The following MAGI2 variants were observed in gnomAD, a reference collection of about 807,000 sequenced individuals.
The protein encoded by MAGI2 is membrane-associated guanylate kinase, WW and PDZ domain-containing protein 2.
In MAGI2, 35 loss-of-function variants were observed where a neutral mutation model predicts 133.3. The ratio of observed to expected loss-of-function variants is 0.26; its 90% confidence interval spans 0.20 to 0.35. The LOEUF is 0.35. Among genes scored for constraint, MAGI2 ranks in the 10% least tolerant of loss-of-function variants. The pLI, the probability that MAGI2 is intolerant of heterozygous loss-of-function variation, is 1.00. For missense variants in MAGI2, 1,636 were observed against 1,863.4 expected (o/e 0.88, Z 2.25); for synonymous variants, 729 against 710.6 (o/e 1.03, Z -0.41).
At chr7:78,374,989 A>C (rs888499903) in intron 6 of MAGI2, among the ~76,000 whole-genome samples, 2 of 151,678 alleles carry the variant, frequency 1.3e-5, no homozygotes, top group African/African-American at 4.8e-5. Flanking sequence ...ACAAGCGTAC[A>C]CCACTACACC....
At chr7:78,124,853 G>A (rs558606484) in intron 20 of MAGI2, among the ~76,000 whole-genome samples, 1 of 136,976 alleles carries the variant, frequency 7.3e-6, no homozygotes, top group South Asian at 2.3e-4. Flanking sequence ...AAAATTTCTA[G>A]CTGCTGTCTT....
At chr7:78,704,174 CA>C (rs1291557621) in intron 2 of MAGI2, among the ~76,000 whole-genome samples, 1 of 152,050 alleles carries the variant, frequency 6.6e-6, no homozygotes, top group Non-Finnish European at 1.5e-5. Flanking sequence ...ATGTATCTGA[CA>C]AAGGTCTAAT....
At chr7:78,601,094 C>G (rs1805152351) in intron 3 of MAGI2, among the ~76,000 whole-genome samples, 1 of 151,996 alleles carries the variant, frequency 6.6e-6, no homozygotes, top group African/African-American at 2.4e-5. Context: ...TCTGATTCAC[C>G]CCTCTCACAT....
chr7:79,031,266 T>C (rs1329811249), intron 1 of MAGI2, among the ~76,000 whole-genome samples: 1 of 152,170 alleles, frequency 6.6e-6, no homozygotes, highest in Non-Finnish European at 1.5e-5. Context: ...CATTTACCAC[T>C]ATCTAAAATT....
chr7:79,234,699 A>G (rs900201870), intron 1 of MAGI2, among the ~76,000 whole-genome samples: 1 of 148,308 alleles, frequency 6.7e-6, no homozygotes, highest in South Asian at 2.1e-4. Context: ...ATTCTTCTCA[A>G]TTTTTTTCAA....
chr7:78,489,347 T>C (rs1793371988), intron 6 of MAGI2, among the ~76,000 whole-genome samples: 2 of 152,106 alleles, frequency 1.3e-5, no homozygotes, highest in Admixed American at 1.3e-4. Flanking sequence ...TTCTGAGTCC[T>C]TAATAACTGC....
intron 21 of MAGI2, among the ~76,000 whole-genome samples, chr7:78,066,241 C>T (rs531099156): frequency 5.9e-5 from 9 of 152,142 alleles, no homozygotes; most frequent in African/African-American, 1.9e-4. Flanking sequence ...GTGGGCGGAA[C>T]ATTTGAGGTC....
intron 21 of MAGI2, among the ~76,000 whole-genome samples, chr7:78,050,634 G>A (rs892184871): frequency 2.6e-5 from 4 of 152,122 alleles, no homozygotes; most frequent in African/African-American, 9.7e-5. Context: ...CAGGTTTGCA[G>A]GTTAGGCTGG....
At chr7:78,663,498 C>A (rs1212397091) in intron 2 of MAGI2, among the ~76,000 whole-genome samples, 1 of 152,006 alleles carries the variant, frequency 6.6e-6, no homozygotes, top group East Asian at 1.9e-4. Flanking sequence ...AGCCACTGTG[C>A]CCCGCCATTT....
At chr7:78,496,139 G>T (rs1198678520) in intron 5 of MAGI2, among the ~76,000 whole-genome samples, 1 of 152,088 alleles carries the variant, frequency 6.6e-6, no homozygotes, top group East Asian at 1.9e-4. Context: ...AAAACTTAAG[G>T]AGGTACAGAA....
chr7:78,273,748 C>T (rs539786785), intron 9 of MAGI2, among the ~76,000 whole-genome samples: 1 of 152,126 alleles, frequency 6.6e-6, no homozygotes, highest in East Asian at 1.9e-4. Context: ...CTTATGTATA[C>T]TTCAAGAAGT....
chr7:78,416,879 G>A (rs1341522145), intron 6 of MAGI2, among the ~76,000 whole-genome samples: 1 of 152,112 alleles, frequency 6.6e-6, no homozygotes, highest in African/African-American at 2.4e-5. Flanking sequence ...GCCTTCACCA[G>A]ACACTGAATC....
chr7:79,154,597 G>A (rs1005971796), intron 1 of MAGI2, among the ~76,000 whole-genome samples: 4 of 152,158 alleles, frequency 2.6e-5, no homozygotes, highest in African/African-American at 7.2e-5. Flanking sequence ...TTTTAGAGGA[G>A]GAGAGATTTA....
chr7:78,368,953 G>A (rs373265850), intron 7 of MAGI2, among the ~76,000 whole-genome samples: 277 of 152,032 alleles, frequency 1.8e-3, no homozygotes, highest in African/African-American at 6.4e-3. Flanking sequence ...TTTTAGAATC[G>A]TTGAGTCAAA....
chr7:79,394,507 A>G (rs1844901899), intron 1 of MAGI2, among the ~76,000 whole-genome samples: 1 of 152,200 alleles, frequency 6.6e-6, no homozygotes, highest in Admixed American at 6.5e-5. Flanking sequence ...AATGTGGCAT[A>G]CCATGAATAA....
chr7:78,218,049 GAC>G (rs1333953249), intron 10 of MAGI2, among the ~76,000 whole-genome samples: 1 of 152,216 alleles, frequency 6.6e-6, no homozygotes, highest in Non-Finnish European at 1.5e-5. Flanking sequence ...AAAGAGAATA[GAC>G]ACAGATATAT....
rs758479380 is a variant in MAGI2, at chr7:78,127,370, G to A, written c.3250C>T (p.Arg1084Ter). The change falls in exon 19 of 22, where the codon CGA (arginine) becomes TGA (stop). Residue 1084 changes from arginine (R) to a stop codon, truncating the protein, a stop_gained. Transcript: ENST00000354212. LOFTEE classifies it high-confidence loss of function. ...CTGTAGTCTGTGAATGGAGGCTGTC[G>A]GATGTCTGGTTTCACATCTTGCCTT... ...KARQDVKPDI[R>*]QPPFTDYRQP... 6.2e-7 allele frequency: 1 copy of A among 1,607,942 alleles called. No individual in the cohort carries two copies. The highest frequency in any genetic ancestry group is 8.5e-7 in the Non-Finnish European group (1 of 1,179,922).
intron 5 of MAGI2, 104 bp from the exon 6 acceptor site, chr7:78,489,944 T>TA (rs1793446781): frequency 1.3e-6 from 1 of 771,974 alleles, no homozygotes; most frequent in East Asian, 2.5e-5. Flanking sequence ...TTGCAATCGA[T>TA]ACACTTAATT....
chr7:78,948,757 C>A (rs1251244736), intron 2 of MAGI2, among the ~76,000 whole-genome samples: 1 of 152,006 alleles, frequency 6.6e-6, no homozygotes, highest in Non-Finnish European at 1.5e-5. Context: ...AACTTAGAAG[C>A]ATGAAACATG....
Sources: gnomAD v4.1 joint callset for allele counts (sites outside exome capture counted in the v4.1 genomes callset) on GRCh38, gnomAD v4.1.1 for gene constraint, MANE v1.5 for transcripts, NCBI Gene and HGNC (gene_info 2026-07-23, HGNC 2026-07-21) for gene names.